Variants in TANC2 observed in about 807,000 individuals in gnomAD.
The protein encoded by TANC2 is tetratricopeptide repeat, ankyrin repeat and coiled-coil containing 2, also known as protein TANC2.
TANC2 carries 26 observed loss-of-function variants against 210.5 expected under a neutral mutation model. The ratio of observed to expected loss-of-function variants is 0.12; its 90% CI spans 0.09 to 0.17. The LOEUF (loss-of-function observed/expected upper bound fraction) is 0.17. Among genes scored for constraint, TANC2 ranks in the 10% least tolerant of loss-of-function variants. The pLI, the probability that TANC2 is intolerant of heterozygous loss-of-function variation, is 1.00. For missense variants in TANC2, 2,129 were observed against 2,608.9 expected, an observed-to-expected ratio of 0.82 and a Z score of 4.01; for synonymous variants, 931 against 967.1, an observed-to-expected ratio of 0.96 and a Z score of 0.69.
chr17:63,072,766 T>A (rs2036442758), intron 2 of TANC2, among the ~76,000 whole-genome samples: 1 of 152,110 alleles, frequency 6.6e-6, no homozygotes, highest in South Asian at 2.1e-4. Flanking sequence ...TTACTGTACT[T>A]GCTAGTTTAA....
At chr17:63,026,993 G>A (rs527763585) in intron 2 of TANC2, among the ~76,000 whole-genome samples, 45 of 152,212 alleles carry the variant, frequency 3.0e-4, no homozygotes, top group Admixed American at 3.9e-4. Context: ...AGCACAAGTC[G>A]TTTTGTGACT....
rs76618511 is a variant in TANC2 at position 63,283,636 on chromosome 17, A to G, written c.1159+15763A>G. Among the ~76,000 whole-genome samples, 1,154 of 152,094 alleles carry G rather than the reference A, an allele frequency of 7.6e-3. 15 individuals are homozygous for G. Among genetic ancestry groups the G allele is most frequent in the African/African-American group, 0.026 (1,069 of 41,550 alleles). Reference sequence around the variant, plus strand: ...TCCAACCTATATAGTATATCTCTGCAGTCATGTAGACCTTCCTTAATTTCT... The same window carrying G: ...TCCAACCTATATAGTATATCTCTGCGGTCATGTAGACCTTCCTTAATTTCT... On this transcript the variant is annotated intron_variant, in intron 9 of 27. Transcript: ENST00000689528.
intron 2 of TANC2, among the ~76,000 whole-genome samples, chr17:63,016,419 A>T (rs919533426): frequency 6.6e-6 from 1 of 152,114 alleles, no homozygotes; most frequent in Non-Finnish European, 1.5e-5. Flanking sequence ...TACAAAAAAA[A>T]TTTTTTTATG....
rs138975848 is a variant in TANC2, at chr17:63,095,300, C to T, written c.140-3875C>T. 2.5e-3 allele frequency among the ~76,000 whole-genome samples: 374 copies of T among 152,128 alleles called. 1 individual carries two copies. The highest frequency in any genetic ancestry group is 0.011 in the South Asian group (54 of 4,818). ...AATTGATCCTCCTACTTCAGCCTTC[C>T]GAGTAGCTGGGACGACAGGTACGCC... On this transcript the variant is annotated intron_variant, in intron 3 of 27. Coordinates refer to ENST00000689528, the Ensembl canonical transcript of TANC2.
intron 8 of TANC2, among the ~76,000 whole-genome samples, chr17:63,262,471 C>CTACT (rs1450014633): frequency 6.6e-6 from 1 of 152,140 alleles, no homozygotes; most frequent in Non-Finnish European, 1.5e-5. Flanking sequence ...ATTACAGGCG[C>CTACT]AAGCCACCGC....
rs186527289 is a variant in TANC2, at chr17:63,136,115, T to A, written c.323-15155T>A. On this transcript the variant is annotated intron_variant, in intron 4 of 27. Transcript: ENST00000689528. The stretch of plus-strand genomic sequence containing the variant: ...CCTATTTCCTTATAAGATAAAGATT[T>A]ACAGATAAATGAAGATTTAAATCTC... Among the ~76,000 whole-genome samples the A allele has an allele frequency of 7.2e-5, 11 of 152,344 alleles. No individual in the cohort carries two copies. In the East Asian group the frequency reaches 2.1e-3, roughly 29 times the overall value.
chr17:63,395,429 G>C (rs1054301659), intron 17 of TANC2, among the ~76,000 whole-genome samples: 3 of 152,146 alleles, frequency 2.0e-5, no homozygotes, highest in African/African-American at 7.2e-5. Flanking sequence ...AACTATTTGA[G>C]GAGACAAAGA....
intron 17 of TANC2, chr17:63,390,423 T>C (rs552233113): frequency 5.9e-5 from 9 of 152,300 alleles, no homozygotes; most frequent in East Asian, 1.9e-4. Flanking sequence ...GCACAGTGAT[T>C]GTGCACCTGT....
chr17:63,407,123 G>A (rs959069195), intron 21 of TANC2, among the ~76,000 whole-genome samples: 1 of 152,284 alleles, frequency 6.6e-6, no homozygotes, highest in Admixed American at 6.5e-5. Context: ...GAAGAAATTA[G>A]GTTTCTTCTA....
intron 27 of TANC2, among the ~76,000 whole-genome samples, chr17:63,419,404 T>C (rs1000325730): frequency 6.6e-6 from 1 of 152,052 alleles, no homozygotes; most frequent in African/African-American, 2.4e-5. Flanking sequence ...CTCCTTGGAG[T>C]CAGCTCAGCT....
intron 7 of TANC2, among the ~76,000 whole-genome samples, chr17:63,225,430 C>T (rs529141101): frequency 6.6e-6 from 1 of 152,038 alleles, no homozygotes; most frequent in Admixed American, 6.5e-5. Flanking sequence ...AGACAATAGT[C>T]AGCTCCTAAG....
intron 6 of TANC2, among the ~76,000 whole-genome samples, chr17:63,196,094 C>T (rs1598583027): frequency 2.0e-5 from 3 of 152,284 alleles, no homozygotes; most frequent in East Asian, 3.9e-4. Context: ...CCATATACCC[C>T]TATGCTTCTA....
intron 5 of TANC2, among the ~76,000 whole-genome samples, chr17:63,175,421 A>G (rs1355004143): frequency 6.6e-6 from 1 of 151,612 alleles, no homozygotes; most frequent in African/African-American, 2.4e-5. Context: ...CAGCTATTCA[A>G]GAGGCTAAGG....
chr17:63,359,728 C>A (rs150899909), intron 14 of TANC2, among the ~76,000 whole-genome samples: 128 of 152,220 alleles, frequency 8.4e-4, no homozygotes, highest in African/African-American at 3.0e-3. Flanking sequence ...TGAGTTGATA[C>A]AACCTAATGA....
intron 7 of TANC2, among the ~76,000 whole-genome samples, chr17:63,229,831 G>A (rs1268176706): frequency 1.4e-5 from 2 of 147,336 alleles, no homozygotes. Flanking sequence ...GTGTATTGGT[G>A]TGATCTCAGC....
chr17:63,231,082 T>C (rs771482160), intron 7 of TANC2, among the ~76,000 whole-genome samples: 1 of 152,212 alleles, frequency 6.6e-6, no homozygotes, highest in Non-Finnish European at 1.5e-5. Context: ...GAGACTAGGA[T>C]TGCAACCCCT....
At chr17:63,403,153 A>G (rs931132134) in intron 19 of TANC2, among the ~76,000 whole-genome samples, 13 of 152,216 alleles carry the variant, frequency 8.5e-5, no homozygotes, top group African/African-American at 1.2e-4. Flanking sequence ...GGCTTTCCAG[A>G]TGGTCACTGG....
chr17:63,395,774 C>T, exon 18 of TANC2: 2 of 1,613,544 alleles, frequency 1.2e-6, no homozygotes, highest in African/African-American at 2.7e-5. Flanking sequence ...GGGCAGTGTG[C>T]TTTGGTTCAT....
intron 4 of TANC2, among the ~76,000 whole-genome samples, chr17:63,138,666 CAT>C (rs1205059269): frequency 6.6e-6 from 1 of 152,144 alleles, no homozygotes; most frequent in Non-Finnish European, 1.5e-5. Context: ...TGATCAGAAA[CAT>C]GTTTTTAAAA....
Sources: allele counts gnomAD v4.1 joint callset (sites outside exome capture counted in the v4.1 genomes callset), GRCh38; gene constraint gnomAD v4.1.1; transcripts MANE v1.5; gene names NCBI Gene and HGNC (gene_info 2026-07-23, HGNC 2026-07-21).